The following CNBD1 variants were observed in gnomAD, a reference collection of about 807,000 sequenced individuals.
CNBD1 encodes cyclic nucleotide-binding domain-containing protein 1.
A neutral mutation model predicts 54.4 loss-of-function variants in CNBD1; 71 were observed. The observed-to-expected ratio is 1.30, with a 90% CI of 1.08 to 1.59. The LOEUF (loss-of-function observed/expected upper bound fraction) is 1.59. Among genes scored for constraint, CNBD1 ranks in the 40% most tolerant of loss-of-function variants. CNBD1 has a pLI of 0.00. For synonymous variants in CNBD1, 182 were observed against 170.7 expected (o/e 1.07, Z -0.51); for missense variants, 659 against 518.0 (o/e 1.27, Z -2.64).
intron 4 of CNBD1, among the ~76,000 whole-genome samples, chr8:87,032,314 A>AT (rs1809812848): frequency 6.6e-6 from 1 of 152,200 alleles, no homozygotes. Context: ...CTAAGAGCCT[A>AT]TTGTTGATCG....
chr8:87,333,392 C>G (rs926096850), intron 8 of CNBD1, among the ~76,000 whole-genome samples: 1 of 152,120 alleles, frequency 6.6e-6, no homozygotes, highest in African/African-American at 2.4e-5. Flanking sequence ...ATTACCCTGG[C>G]CAGAACTTCC....
chr8:87,332,546 T>C (rs1409707437), intron 8 of CNBD1, among the ~76,000 whole-genome samples: 1 of 152,184 alleles, frequency 6.6e-6, no homozygotes, highest in Non-Finnish European at 1.5e-5. Flanking sequence ...CATCTTGAGT[T>C]AATTTTTGCA....
chr8:86,995,233 T>G (rs1808842231), intron 4 of CNBD1, among the ~76,000 whole-genome samples: 1 of 152,178 alleles, frequency 6.6e-6, no homozygotes, highest in Admixed American at 6.5e-5. Context: ...TAAATATTTA[T>G]GAAACAGAAT....
intron 8 of CNBD1, among the ~76,000 whole-genome samples, chr8:87,350,631 G>T (rs16898952): frequency 3.3e-5 from 5 of 151,608 alleles, no homozygotes. Flanking sequence ...AACAAATAGG[G>T]ATGCCTTCAA....
At chr8:87,098,415 C>T (rs1342657224) in intron 4 of CNBD1, among the ~76,000 whole-genome samples, 3 of 152,132 alleles carry the variant, frequency 2.0e-5, no homozygotes, top group Non-Finnish European at 4.4e-5. Flanking sequence ...ATAAATGTTA[C>T]ACAATGTGAC....
chr8:87,379,307 C>T (rs1231369529), intron 10 of CNBD1, among the ~76,000 whole-genome samples: 2 of 151,856 alleles, frequency 1.3e-5, no homozygotes, highest in East Asian at 1.9e-4. Context: ...CCACTGTCAA[C>T]ATTAGACAGA....
At chr8:87,113,592 C>T (rs1811707893) in intron 4 of CNBD1, among the ~76,000 whole-genome samples, 2 of 152,166 alleles carry the variant, frequency 1.3e-5, no homozygotes, top group South Asian at 4.1e-4. Flanking sequence ...CTATTTAACA[C>T]AGAAAGCTAA....
chr8:86,956,880 G>A (rs377214522), intron 4 of CNBD1, among the ~76,000 whole-genome samples: 2 of 152,150 alleles, frequency 1.3e-5, no homozygotes, highest in Admixed American at 6.6e-5. Context: ...AACAGGAGTG[G>A]CGAAAGAGGG....
chr8:86,913,758 A>G (rs1025013636), intron 3 of CNBD1, among the ~76,000 whole-genome samples: 1 of 152,118 alleles, frequency 6.6e-6, no homozygotes, highest in African/African-American at 2.4e-5. Context: ...AAGAGCAGAG[A>G]ACCTGTCTGA....
chr8:86,916,586 G>A (rs1388644774), intron 3 of CNBD1, among the ~76,000 whole-genome samples: 1 of 152,070 alleles, frequency 6.6e-6, no homozygotes, highest in African/African-American at 2.4e-5. Context: ...GTACGTGTAA[G>A]TCTACTTCAC....
intron 2 of CNBD1, among the ~76,000 whole-genome samples, chr8:87,424,450 C>T (rs564355316): frequency 0.015 from 2,261 of 152,152 alleles, 56 homozygotes; most frequent in African/African-American, 0.049. Flanking sequence ...GCTTTGAATG[C>T]GTCCCAGAGA....
intron 4 of CNBD1, among the ~76,000 whole-genome samples, chr8:87,152,812 C>A (rs1812634904): frequency 6.6e-6 from 1 of 152,138 alleles, no homozygotes; most frequent in Admixed American, 6.5e-5. Flanking sequence ...CAAAGGTCTG[C>A]AAGTTGATTG....
At chr8:86,955,003 G>A (rs1189547458) in intron 4 of CNBD1, among the ~76,000 whole-genome samples, 2 of 119,118 alleles carry the variant, frequency 1.7e-5, no homozygotes, top group Admixed American at 1.1e-4. Context: ...TCCATGACAG[G>A]CCCCAGTGTG....
chr8:87,136,398 GT>G (rs1388864896), intron 4 of CNBD1, among the ~76,000 whole-genome samples: 1 of 149,076 alleles, frequency 6.7e-6, no homozygotes, highest in Non-Finnish European at 1.5e-5. Context: ...GAAGATACAG[GT>G]AGATTTTTAT....
chr8:87,062,027 A>G (rs1586230465), intron 4 of CNBD1, among the ~76,000 whole-genome samples: 1 of 152,316 alleles, frequency 6.6e-6, no homozygotes, highest in East Asian at 1.9e-4. Context: ...CTCATTAGTG[A>G]CATTAAGCCT....
intron 4 of CNBD1, among the ~76,000 whole-genome samples, chr8:87,183,399 T>C (rs1813399667): frequency 7.1e-6 from 1 of 141,644 alleles, no homozygotes; most frequent in Non-Finnish European, 1.6e-5. Context: ...TTTTTTTTTT[T>C]TTTTGCTAAT....
chr8:87,304,462 A>C (rs1300950718), intron 8 of CNBD1, among the ~76,000 whole-genome samples: 1 of 151,940 alleles, frequency 6.6e-6, no homozygotes, highest in Non-Finnish European at 1.5e-5. Flanking sequence ...CAGGAAGGGG[A>C]ACATCACACA....
intron 4 of CNBD1, among the ~76,000 whole-genome samples, chr8:86,952,394 T>C (rs1394218417): frequency 6.6e-6 from 1 of 152,186 alleles, no homozygotes; most frequent in Non-Finnish European, 1.5e-5. Context: ...GCTTTAATTA[T>C]GTACTGCTGA....
intron 4 of CNBD1, among the ~76,000 whole-genome samples, chr8:87,081,571 C>T (rs539332512): frequency 4.0e-5 from 6 of 149,896 alleles, no homozygotes; most frequent in Admixed American, 3.3e-4. Flanking sequence ...AGTGGCGCGA[C>T]CTCGGCTCAC....
Sources: allele counts gnomAD v4.1 joint callset (sites outside exome capture counted in the v4.1 genomes callset), GRCh38; gene constraint gnomAD v4.1.1; transcripts MANE v1.5; gene names NCBI Gene and HGNC (gene_info 2026-07-23, HGNC 2026-07-21).